The following TAOK3 variants were observed in gnomAD, a reference collection of about 807,000 sequenced individuals.
The protein encoded by TAOK3 is TAO kinase 3.
Under a neutral mutation model 120.4 loss-of-function variants are expected in TAOK3, and 40 were observed. That is an observed-to-expected ratio of 0.33 (90% CI 0.26 to 0.43). The LOEUF (loss-of-function observed/expected upper bound fraction) is 0.43. TAOK3 is among the 20% of genes least tolerant of loss of function. The pLI is 1.00. For missense variants in TAOK3, 821 were observed against 1,112.1 expected (o/e 0.74, Z 3.72); for synonymous variants, 355 against 387.5 (o/e 0.92, Z 0.99).
chr12:118,363,701 G>C (rs183105275), intron 1 of TAOK3, among the ~76,000 whole-genome samples: 6 of 151,824 alleles, frequency 4.0e-5, no homozygotes, highest in African/African-American at 1.5e-4. Flanking sequence ...CGCTTGGCTA[G>C]TTAAGAAGAC....
chr12:118,243,745 C>T (rs187814863), intron 4 of TAOK3, among the ~76,000 whole-genome samples: 3 of 152,224 alleles, frequency 2.0e-5, no homozygotes, highest in Admixed American at 6.5e-5. Context: ...GGCACGATCT[C>T]GGCTCACTGC....
intron 4 of TAOK3, among the ~76,000 whole-genome samples, chr12:118,244,610 G>A (rs1320167282): frequency 6.3e-5 from 9 of 143,310 alleles, no homozygotes; most frequent in Middle Eastern, 7.5e-3. Flanking sequence ...CTCACTGCAA[G>A]CTCCGCCTCC....
chr12:118,320,471 T>C (rs961456969), intron 1 of TAOK3, among the ~76,000 whole-genome samples: 2 of 152,114 alleles, frequency 1.3e-5, no homozygotes, highest in African/African-American at 4.8e-5. Flanking sequence ...ATAATATACT[T>C]GATTATCAAC....
At chr12:118,294,711 A>G (rs552919885) in intron 1 of TAOK3, among the ~76,000 whole-genome samples, 5 of 152,142 alleles carry the variant, frequency 3.3e-5, no homozygotes, top group Admixed American at 6.5e-5. Flanking sequence ...CATACACTAT[A>G]TAAACTTTTT....
intron 11 of TAOK3, among the ~76,000 whole-genome samples, chr12:118,203,153 A>C (rs2038117773): frequency 6.6e-6 from 1 of 152,050 alleles, no homozygotes; most frequent in African/African-American, 2.4e-5. Context: ...CAGACTTGTG[A>C]ATATTTTGTT....
chr12:118,217,840 T>C (rs1398965943), intron 9 of TAOK3, among the ~76,000 whole-genome samples: 2 of 106,910 alleles, frequency 1.9e-5, no homozygotes, highest in African/African-American at 3.3e-5. Flanking sequence ...TATATATATA[T>C]ATATATATAT....
In TAOK3 at chr12:118,223,104, C is replaced by T. The variant is rs539289930; in HGVS notation, c.644-8994G>A. Among the ~76,000 whole-genome samples the T allele has an allele frequency of 5.0e-5, 7 of 140,934 alleles. No homozygotes were observed. In the South Asian group the frequency reaches 1.6e-3, roughly 32 times the overall value. The allele number at this position is 140,934 out of a possible 152,430, so 92.5% of individuals were successfully genotyped here. ...TTTTTTTTTGAGACGCAGTCTCGCACTGTCGCCTAGGCTGGAGTGCAGCGG... is the reference window on the plus strand; with the variant it reads ...TTTTTTTTTGAGACGCAGTCTCGCATTGTCGCCTAGGCTGGAGTGCAGCGG... On this transcript the variant is annotated intron_variant, in intron 9 of 20. Transcript: ENST00000392533.
intron 9 of TAOK3, among the ~76,000 whole-genome samples, chr12:118,227,405 T>C (rs1008955294): frequency 3.3e-5 from 5 of 150,978 alleles, no homozygotes; most frequent in Non-Finnish European, 5.9e-5. Flanking sequence ...ACTGAGACCA[T>C]TGTAGCAACT....
Position 118,279,732 on chromosome 12 carries a change from C to T in TAOK3, c.-193-12973G>A, listed in dbSNP as rs376382277. ...CTAAGTAGCTGGGGCTACAGGCATG[C>T]AACACCATGCCCAGCTAATTTTTGT... On this transcript the variant is annotated intron_variant, in intron 1 of 20. Coordinates refer to ENST00000392533, the MANE Select transcript of TAOK3 (RefSeq NM_016281.4). 2.7e-4 allele frequency among the ~76,000 whole-genome samples: 41 copies of T among 150,730 alleles called. No individual in the cohort carries two copies. In the South Asian group the frequency reaches 8.4e-3, roughly 31 times the overall value.
Position 118,192,579 on chromosome 12 carries a change from T to C in TAOK3, c.1195-2638A>G, listed in dbSNP as rs151218594. Among the ~76,000 whole-genome samples, 23 of 152,346 alleles carry C rather than the reference T, an allele frequency of 1.5e-4. No individual in the cohort carries two copies. The East Asian group carries it at 4.2e-3, about 28-fold the overall frequency. On this transcript the variant is annotated intron_variant, in intron 13 of 20. Transcript: ENST00000392533. ...AATTTTAATATTCAGTTCCACTGCA[T>C]AAAACAGGTTCAAAACTCCAAAGAC...
At chr12:118,190,923 A>G (rs1009082532) in intron 13 of TAOK3, among the ~76,000 whole-genome samples, 3 of 152,206 alleles carry the variant, frequency 2.0e-5, no homozygotes, top group Non-Finnish European at 4.4e-5. Flanking sequence ...CGCTATAGTA[A>G]TTTGTACCTC....
chr12:118,322,229 T>C (rs2043736207), intron 1 of TAOK3, among the ~76,000 whole-genome samples: 1 of 144,606 alleles, frequency 6.9e-6, no homozygotes, highest in Non-Finnish European at 1.5e-5. Flanking sequence ...GCAGGACAAC[T>C]ACTTGAACCT....
chr12:118,274,921 T>C (rs969228109), intron 1 of TAOK3, among the ~76,000 whole-genome samples: 5 of 151,880 alleles, frequency 3.3e-5, no homozygotes, highest in African/African-American at 1.2e-4. Flanking sequence ...ACTGAATATC[T>C]TTGTTCTGTC....
intron 1 of TAOK3, chr12:118,297,145 G>C (rs1282415825): frequency 6.6e-6 from 1 of 152,092 alleles, no homozygotes; most frequent in East Asian, 1.9e-4. Context: ...TATCAGAAGA[G>C]ATCAAGGTAA....
chr12:118,209,523 C>T (rs369093774), intron 11 of TAOK3, among the ~76,000 whole-genome samples: 19 of 152,150 alleles, frequency 1.2e-4, no homozygotes, highest in East Asian at 1.2e-3. Flanking sequence ...CTCAGCCACT[C>T]GATTAGCTGG....
intron 1 of TAOK3, among the ~76,000 whole-genome samples, chr12:118,289,634 G>C (rs1037998601): frequency 6.6e-6 from 1 of 152,058 alleles, no homozygotes; most frequent in Non-Finnish European, 1.5e-5. Flanking sequence ...GTAATTACAA[G>C]TACTTCCCTG....
rs2045919754 is a variant in TAOK3 at position 118,372,204 on chromosome 12, C to T, written c.-194+444G>A. 6.6e-6 allele frequency among the ~76,000 whole-genome samples: 1 copy of T among 151,086 alleles called. No individual in the cohort carries two copies. The highest frequency in any genetic ancestry group is 2.1e-4 in the South Asian group (1 of 4,752). On this transcript the variant is annotated intron_variant, in intron 1 of 20. Coordinates refer to ENST00000392533, the MANE Select transcript of TAOK3 (RefSeq NM_016281.4). The surrounding 1 kb of genome is among the most constrained non-coding windows in gnomAD (Gnocchi z 4.6). Reference sequence around the variant, plus strand: ...GTGCTGTCCCAGCCCCTCTCGGGGTCCCCATCTCTCAGACTCTCAGTGCCG... The same window carrying T: ...GTGCTGTCCCAGCCCCTCTCGGGGTTCCCATCTCTCAGACTCTCAGTGCCG...
intron 20 of TAOK3, 76 bp from the exon 21 acceptor site, chr12:118,151,234 G>A: frequency 6.7e-7 from 1 of 1,499,892 alleles, no homozygotes; most frequent in Non-Finnish European, 9.1e-7. Flanking sequence ...TACACCCATA[G>A]GCACACATAT....
chr12:118,348,607 C>T (rs968177339), intron 1 of TAOK3, among the ~76,000 whole-genome samples: 21 of 151,934 alleles, frequency 1.4e-4, no homozygotes, highest in Admixed American at 9.8e-4. Flanking sequence ...CCCGCCACCA[C>T]GCCTGGCTAA....
Sources: allele counts gnomAD v4.1 joint callset (sites outside exome capture counted in the v4.1 genomes callset), GRCh38; gene constraint gnomAD v4.1.1; non-coding constraint Gnocchi (gnomAD v3.1); transcripts MANE v1.5; gene names NCBI Gene and HGNC (gene_info 2026-07-23, HGNC 2026-07-21).